DNAH7: variants seen among roughly 807,000 people sequenced by gnomAD.
DNAH7 encodes axonemal beta dynein heavy chain 7.
A neutral mutation model predicts 444.6 loss-of-function variants in DNAH7; 397 were observed. The observed-to-expected ratio is 0.89, with a 90% CI of 0.82 to 0.97. The LOEUF (loss-of-function observed/expected upper bound fraction) is 0.97. DNAH7 is among the 50% of genes least tolerant of loss of function. The pLI, the probability that DNAH7 is intolerant of heterozygous loss-of-function variation, is 0.00. For missense variants in DNAH7, 4,902 were observed against 4,800.8 expected (o/e 1.02, Z -0.62); for synonymous variants, 1,636 against 1,624.4 (o/e 1.01, Z -0.17).
chr2:195,754,270 A>G (rs1693958511), intron 63 of DNAH7, 67 bp downstream of exon 63: 2 of 1,466,382 alleles, frequency 1.4e-6, no homozygotes, highest in African/African-American at 1.4e-5. Flanking sequence ...TGAGGAAAGT[A>G]TGCTAGAATG....
intron 27 of DNAH7, among the ~76,000 whole-genome samples, 200 bp downstream of exon 27, chr2:195,906,459 T>C (rs906151178): frequency 4.9e-5 from 7 of 142,130 alleles, no homozygotes; most frequent in African/African-American, 1.4e-4. Flanking sequence ...CTTTCTTTTT[T>C]TTTTTTTTTT....
intron 38 of DNAH7, among the ~76,000 whole-genome samples, chr2:195,874,597 AT>A (rs753912534): frequency 5.7e-5 from 8 of 140,436 alleles, no homozygotes; most frequent in Non-Finnish European, 1.0e-4. Context: ...ATGGTCTTTT[AT>A]TTAAAAAAAA....
At chr2:195,834,121 C>A (rs1160689956) in intron 48 of DNAH7, 85 bp downstream of exon 48, 5 of 1,343,626 alleles carry the variant, frequency 3.7e-6, no homozygotes, top group African/African-American at 1.4e-5. Flanking sequence ...GTGGGAGGAT[C>A]GCTTGAAACA....
intron 17 of DNAH7, among the ~76,000 whole-genome samples, chr2:195,963,259 A>G (rs987647002): frequency 6.6e-6 from 1 of 152,224 alleles, no homozygotes; most frequent in Non-Finnish European, 1.5e-5. Context: ...TTTTCTCTAC[A>G]TCTTTGACAG....
At chr2:195,897,170 C>T (rs1702369236) in intron 29 of DNAH7, among the ~76,000 whole-genome samples, 1 of 152,122 alleles carries the variant, frequency 6.6e-6, no homozygotes, top group South Asian at 2.1e-4. Flanking sequence ...TCTAATACTT[C>T]CTCTCAATTA....
chr2:195,964,559 C>T (rs1032819115), intron 17 of DNAH7, among the ~76,000 whole-genome samples: 7 of 117,620 alleles, frequency 6.0e-5, no homozygotes, highest in Admixed American at 3.7e-4. Flanking sequence ...GGAGTCTTTA[C>T]ATTTTTCCAA....
At chr2:195,794,307 G>A (rs1390662785) in intron 57 of DNAH7, 31 bp downstream of exon 57, 5 of 1,610,564 alleles carry the variant, frequency 3.1e-6, no homozygotes, top group East Asian at 2.2e-5. Flanking sequence ...GCTTTACAGG[G>A]CCGAGGTAAC....
chr2:195,925,003 T>C (rs1688244710), intron 22 of DNAH7, among the ~76,000 whole-genome samples: 3 of 152,172 alleles, frequency 2.0e-5, no homozygotes. Context: ...GTTACAGCCA[T>C]TGCTAAGTGG....
intron 28 of DNAH7, 54 bp downstream of exon 28, chr2:195,900,228 G>A: frequency 4.5e-6 from 7 of 1,572,210 alleles, no homozygotes; most frequent in Middle Eastern, 1.7e-4. Flanking sequence ...AGACCCATTA[G>A]GCTGGAAATC....
At chr2:196,010,063 T>A (rs1440726347) in intron 10 of DNAH7, among the ~76,000 whole-genome samples, 1 of 152,148 alleles carries the variant, frequency 6.6e-6, no homozygotes, top group African/African-American at 2.4e-5. Context: ...CAATAACAGA[T>A]GCTGGCAAGG....
intron 19 of DNAH7, among the ~76,000 whole-genome samples, chr2:195,938,944 G>A (rs1662182681): frequency 6.6e-6 from 1 of 152,126 alleles, no homozygotes; most frequent in South Asian, 2.1e-4. Context: ...ATCAGATAAA[G>A]AAAGGGGCCC....
Position 195,960,529 on chromosome 2 carries a change from G to C in DNAH7, c.2622C>G (p.Ser874=). 6.2e-7 allele frequency: 1 copy of C among 1,614,160 alleles called. No individual in the cohort carries two copies. The highest frequency in any genetic ancestry group is 8.5e-7 in the Non-Finnish European group (1 of 1,180,022). Residue 874 remains serine (S), a synonymous_variant, in exon 18 of 65, where the codon TCC becomes TCG. Coordinates refer to ENST00000312428, the MANE Select transcript of DNAH7 (RefSeq NM_018897.3). ...GTTCCAGATTCATGTCTAAAAAAGA[G>C]GAGACTGTGGAGTCATCTGATGGCT... ...PLQPSDDSTV[S]SFLDMNLEPY...
At chr2:195,920,189 T>C (rs529118430) in intron 24 of DNAH7, among the ~76,000 whole-genome samples, 41 of 152,224 alleles carry the variant, frequency 2.7e-4, no homozygotes, top group African/African-American at 8.9e-4. Flanking sequence ...ATGGTCATAC[T>C]TCACAGAACT....
chr2:195,933,805 C>T (rs939762288), intron 21 of DNAH7, among the ~76,000 whole-genome samples: 12 of 151,828 alleles, frequency 7.9e-5, no homozygotes, highest in African/African-American at 2.9e-4. Context: ...TGTTAAATGA[C>T]AAGTTAATGG....
chr2:195,865,935 A>G (rs941000315), intron 40 of DNAH7, among the ~76,000 whole-genome samples: 1 of 152,206 alleles, frequency 6.6e-6, no homozygotes, highest in Non-Finnish European at 1.5e-5. Context: ...AGGAAGGGCC[A>G]TGTGAGGACA....
chr2:196,047,614 A>T, intron 4 of DNAH7, 115 bp from the exon 5 acceptor site: 1 of 865,778 alleles, frequency 1.2e-6, no homozygotes, highest in Non-Finnish European at 1.6e-6. Flanking sequence ...TACATTATCA[A>T]GTAATCCTAA....
At chr2:195,803,797 G>A (rs1297901711) in intron 54 of DNAH7, among the ~76,000 whole-genome samples, 1 of 152,158 alleles carries the variant, frequency 6.6e-6, no homozygotes. Context: ...CCATTTTGAA[G>A]GACAGAACTG....
At chr2:195,786,928 A>G (rs1481741349) in intron 58 of DNAH7, 82 bp downstream of exon 58, 3 of 1,377,500 alleles carry the variant, frequency 2.2e-6, no homozygotes, top group Admixed American at 2.5e-5. Context: ...GAAATTAATC[A>G]GAAGTGCCCA....
intron 58 of DNAH7, among the ~76,000 whole-genome samples, chr2:195,784,912 C>CTT (rs36020233): frequency 1.1e-4 from 14 of 124,374 alleles, no homozygotes; most frequent in African/African-American, 3.2e-4. Flanking sequence ...ATCTTTGACC[C>CTT]TTTTTTTTTT....
Sources: allele counts gnomAD v4.1 joint callset (sites outside exome capture counted in the v4.1 genomes callset), GRCh38; gene constraint gnomAD v4.1.1; transcripts MANE v1.5; gene names NCBI Gene and HGNC (gene_info 2026-07-23, HGNC 2026-07-21).